C1orf115: variants seen among roughly 807,000 people sequenced by gnomAD.
C1orf115 encodes the protein chromosome 1 open reading frame 115.
C1orf115 carries 14 observed loss-of-function variants against 12.5 expected under a neutral mutation model. That is an observed-to-expected ratio of 1.12 (90% CI 0.74 to 1.75). The LOEUF (loss-of-function observed/expected upper bound fraction) is 1.75, where lower values mean the gene tolerates loss of function less well. C1orf115 is among the 40% of genes most tolerant of loss of function. C1orf115 has a pLI of 0.00. For missense variants in C1orf115, 237 were observed against 220.8 expected (o/e 1.07, Z -0.46); for synonymous variants, 109 against 104.6 (o/e 1.04, Z -0.26).
chr1:220,694,841 C>T (rs1183184312), intron 1 of C1orf115, among the ~76,000 whole-genome samples: 1 of 151,974 alleles, frequency 6.6e-6, no homozygotes, highest in Non-Finnish European at 1.5e-5. Context: ...TAAGGAGAGA[C>T]TGTAGGGAAA....
chr1:220,695,902 G>A (rs1670187897), intron 1 of C1orf115, among the ~76,000 whole-genome samples: 1 of 152,046 alleles, frequency 6.6e-6, no homozygotes, highest in South Asian at 2.1e-4. Context: ...TGGTGGTGGT[G>A]GTGGTAATTT....
intron 1 of C1orf115, 48 bp downstream of exon 1, chr1:220,690,759 C>T (rs772352994): frequency 4.6e-6 from 7 of 1,538,018 alleles, no homozygotes; most frequent in Middle Eastern, 2.1e-4. Flanking sequence ...GTGTGGTGTC[C>T]CGCGGGGGAG....
chr1:220,694,489 G>A (rs1670158787), intron 1 of C1orf115, among the ~76,000 whole-genome samples: 1 of 152,192 alleles, frequency 6.6e-6, no homozygotes. Context: ...TTTAAAAAGG[G>A]AAACATAGTA....
intron 1 of C1orf115, among the ~76,000 whole-genome samples, chr1:220,695,472 C>T (rs1206326590): frequency 2.7e-5 from 4 of 145,590 alleles, no homozygotes; most frequent in African/African-American, 1.0e-4. Context: ...GGAAGGTGAA[C>T]GTGTTCCCTG....
rs1670203220 is a variant in C1orf115 at position 220,696,819 on chromosome 1, C to A, written c.*88C>A. 1.4e-6 allele frequency: 2 copies of A among 1,446,238 alleles called. No individual in the cohort carries two copies. The highest frequency in any genetic ancestry group is 1.9e-6 in the Non-Finnish European group (2 of 1,072,002). The allele number at this position is 1,446,238 out of a possible 1,614,324, so 89.6% of individuals were successfully genotyped here. A position where few individuals can be genotyped will look rare whatever the true frequency, so the allele number is the denominator to read the frequency against. Reference sequence around the variant, plus strand: ...AATCCTGGAGCATCTCAGACTTGAACACACAGCATATTTGGAAGAGAAAAC... The same window carrying A: ...AATCCTGGAGCATCTCAGACTTGAAAACACAGCATATTTGGAAGAGAAAAC... On this transcript the variant is annotated 3_prime_UTR_variant, in exon 2 of 2. Coordinates refer to ENST00000294889, the MANE Select transcript of C1orf115 (RefSeq NM_024709.5).
At position 220,696,752 on chromosome 1, in the gene C1orf115, G is replaced by A. The variant is rs1572269737; in HGVS notation, c.*21G>A. 1.1e-5 allele frequency: 17 copies of A among 1,568,028 alleles called. No individual in the cohort carries two copies. In the East Asian group the frequency reaches 3.0e-4, roughly 27 times the overall value. On this transcript the variant is annotated 3_prime_UTR_variant, in exon 2 of 2. Transcript: ENST00000294889. ...GCTAATGGGAGCTGCTGTGGCAGGTGCCCCCAGAGTGAACGGGAGCCCCTG... is the reference window on the plus strand; with the variant it reads ...GCTAATGGGAGCTGCTGTGGCAGGTACCCCCAGAGTGAACGGGAGCCCCTG...
intron 1 of C1orf115, among the ~76,000 whole-genome samples, chr1:220,696,390 G>T (rs577703787): frequency 9.8e-5 from 15 of 152,342 alleles, no homozygotes; most frequent in African/African-American, 3.6e-4. Flanking sequence ...CACTTTGCAA[G>T]GTGATGATGT....
In C1orf115 at chr1:220,696,698, G is replaced by C; in HGVS notation, c.396G>C (p.Ala132=). The change falls in exon 2 of 2, where the codon GCG becomes GCC. Residue 132 remains alanine, a synonymous_variant. Coordinates refer to ENST00000294889, the MANE Select transcript of C1orf115 (RefSeq NM_024709.5). ...GFAAAYSAPF[A]VATSVVSFVR is the part of the protein sequence containing the mutation. ...CTGCAGCCTACTCCGCCCCGTTTGC[G>C]GTAGCCACCAGCGTGGTATCCTTCG... 6.3e-7 allele frequency: 1 copy of C among 1,599,344 alleles called. No homozygotes were observed. Among genetic ancestry groups the C allele is most frequent in the South Asian group, 1.1e-5 (1 of 90,464 alleles).
intron 1 of C1orf115, among the ~76,000 whole-genome samples, chr1:220,692,876 G>A (rs1270271687): frequency 2.6e-5 from 4 of 152,200 alleles, no homozygotes; most frequent in Non-Finnish European, 4.4e-5. Context: ...GTCATCTCAG[G>A]TAGAGGGGCC....
chr1:220,696,783 G>A lies in C1orf115; in HGVS notation c.*52G>A, dbSNP rs1572269773. On this transcript the variant is annotated 3_prime_UTR_variant, in exon 2 of 2. Transcript: ENST00000294889. ...AGAGTGAACGGGAGCCCCTGCTGTGGGAACTTTGTGAATCCTGGAGCATCT... is the reference window on the plus strand; with the variant it reads ...AGAGTGAACGGGAGCCCCTGCTGTGAGAACTTTGTGAATCCTGGAGCATCT... 1 of 1,532,178 alleles carries A rather than the reference G, an allele frequency of 6.5e-7. No homozygotes were observed. The highest frequency in any genetic ancestry group is 1.4e-5 in the African/African-American group (1 of 73,380). 94.9% of individuals were successfully genotyped at this position (1,532,178 alleles called of 1,614,324 possible).
rs1265829181 is a variant in C1orf115, at chr1:220,698,938, G to A, written c.*2207G>A. On this transcript the variant is annotated 3_prime_UTR_variant, in exon 2 of 2. Transcript: ENST00000294889. ...ATTCTCTGTGGCAGGGCTGCCCTGG[G>A]TTTCTCTTACTCAATCCCTGGAGTG... is the stretch of plus-strand genomic sequence containing the variant. The A allele has an allele frequency of 6.6e-6, 1 of 152,136 alleles. No individual in the cohort carries two copies. The highest frequency in any genetic ancestry group is 1.5e-5 in the Non-Finnish European group (1 of 68,034). 9.4% of individuals were successfully genotyped at this position (152,136 alleles called of 1,614,324 possible). A position where few individuals can be genotyped will look rare whatever the true frequency, so the allele number is the denominator to read the frequency against.
Position 220,696,841 on chromosome 1 carries a change from A to C in C1orf115, c.*110A>C. ...GAACACACAGCATATTTGGAAGAGA[A>C]AACATGCCTTTCTTTGTTGAATCAC... On this transcript the variant is annotated 3_prime_UTR_variant, in exon 2 of 2. Coordinates refer to ENST00000294889, the MANE Select transcript of C1orf115 (RefSeq NM_024709.5). 7.4e-7 allele frequency: 1 copy of C among 1,354,054 alleles called. No individual in the cohort carries two copies. Among genetic ancestry groups the C allele is most frequent in the East Asian group, 2.4e-5 (1 of 41,970 alleles). 83.9% of individuals were successfully genotyped at this position (1,354,054 alleles called of 1,614,324 possible).
At chr1:220,692,533 A>G (rs414838) in intron 1 of C1orf115, among the ~76,000 whole-genome samples, 51,921 of 152,122 alleles carry the variant, frequency 0.34, 10,086 homozygotes, top group East Asian at 0.79. Flanking sequence ...AGTGAAGTAA[A>G]CAAGACCCGC....
rs1006402865 is a variant in C1orf115, at chr1:220,699,005, CTTTCT to C, written c.*2278_*2282del. On this transcript the variant is annotated 3_prime_UTR_variant, in exon 2 of 2. Coordinates refer to ENST00000294889, the MANE Select transcript of C1orf115 (RefSeq NM_024709.5). ...GTCACAGATTACCTTTTTACCTTTT[CTTTCT>C]TTTTTTTTCTTTTTTTCAATATCAG... 2.0e-5 allele frequency: 3 copies of C among 152,072 alleles called. No individual in the cohort carries two copies. Among genetic ancestry groups the C allele is most frequent in the African/African-American group, 7.2e-5 (3 of 41,398 alleles). 9.4% of individuals were successfully genotyped at this position (152,072 alleles called of 1,614,324 possible). A position where few individuals can be genotyped will look rare whatever the true frequency, so the allele number is the denominator to read the frequency against.
In C1orf115 at chr1:220,698,323, G is replaced by A. The variant is rs140194598; in HGVS notation, c.*1592G>A. 1.3e-5 allele frequency: 2 copies of A among 152,386 alleles called. No homozygotes were observed. The highest frequency in any genetic ancestry group is 2.4e-5 in the African/African-American group (1 of 41,582). 9.4% of individuals were successfully genotyped at this position (152,386 alleles called of 1,614,324 possible). On this transcript the variant is annotated 3_prime_UTR_variant, in exon 2 of 2. Transcript: ENST00000294889. ...AAAAAAGGAAGGGGTAGAGGAGAAGGTTGAAGCTGTGGAGCTAGACTCTGC... is the reference window on the plus strand; with the variant it reads ...AAAAAAGGAAGGGGTAGAGGAGAAGATTGAAGCTGTGGAGCTAGACTCTGC...
chr1:220,698,434 CAA>C lies in C1orf115; in HGVS notation c.*1704_*1705del, dbSNP rs1381690997. 6.6e-6 allele frequency: 1 copy of C among 152,258 alleles called. No individual in the cohort carries two copies. The highest frequency in any genetic ancestry group is 6.5e-5 in the Admixed American group (1 of 15,288). 9.4% of individuals were successfully genotyped at this position (152,258 alleles called of 1,614,324 possible). A position where few individuals can be genotyped will look rare whatever the true frequency, so the allele number is the denominator to read the frequency against. On this transcript the variant is annotated 3_prime_UTR_variant, in exon 2 of 2. Transcript: ENST00000294889. ...TTAATATTTGTGAGGAAAAGTGAAA[CAA>C]GTGATCTGGTTTTAGCCCAGATGAT... is the stretch of plus-strand genomic sequence containing the variant.
intron 1 of C1orf115, among the ~76,000 whole-genome samples, chr1:220,690,945 GCTT>G (rs1670095615): frequency 6.6e-6 from 1 of 152,138 alleles, no homozygotes; most frequent in Non-Finnish European, 1.5e-5. Context: ...TGCGCTCCTG[GCTT>G]CTTAAGAACA....
At chr1:220,695,062 C>T (rs1210710297) in intron 1 of C1orf115, among the ~76,000 whole-genome samples, 4 of 152,100 alleles carry the variant, frequency 2.6e-5, no homozygotes, top group African/African-American at 7.2e-5. Context: ...GACAGAAAAG[C>T]GTCCACTGGG....
chr1:220,693,257 G>A (rs1253006076), intron 1 of C1orf115, among the ~76,000 whole-genome samples: 2 of 152,192 alleles, frequency 1.3e-5, no homozygotes, highest in Non-Finnish European at 2.9e-5. Context: ...GTTTTTAACA[G>A]TGTTCCAGTT....
Sources: gnomAD v4.1 joint callset for allele counts (sites outside exome capture counted in the v4.1 genomes callset) on GRCh38, gnomAD v4.1.1 for gene constraint, MANE v1.5 for transcripts, NCBI Gene and HGNC (gene_info 2026-07-23, HGNC 2026-07-21) for gene names.